The following UGT1A9 variants were observed in gnomAD, a reference collection of about 807,000 sequenced individuals.
UGT1A9 encodes the protein UDP-glucuronosyltransferase 1A9.
A neutral mutation model predicts 45.0 loss-of-function variants in UGT1A9; 35 were observed. The ratio of observed to expected loss-of-function variants is 0.78; its 90% confidence interval spans 0.59 to 1.03. The LOEUF (loss-of-function observed/expected upper bound fraction) is 1.03. Ranked by LOEUF, UGT1A9 falls within the 50% of genes least tolerant of loss-of-function variation. The pLI is 0.00. For missense variants in UGT1A9, 687 were observed against 666.6 expected, an observed-to-expected ratio of 1.03 and a Z score of -0.34; for synonymous variants, 278 against 250.6, an observed-to-expected ratio of 1.11 and a Z score of -1.03.
At chr2:233,770,057 T>C (rs1700010876) in intron 4 of UGT1A9, 1 of 154,188 alleles carries the variant, frequency 6.5e-6, no homozygotes, top group Admixed American at 6.5e-5. Context: ...GCTCACATTA[T>C]GGATATAATT....
intron 1 of UGT1A9, chr2:233,693,126 G>C: frequency 6.2e-7 from 1 of 1,614,224 alleles, no homozygotes; most frequent in East Asian, 2.2e-5. Flanking sequence ...CACTGGCTTA[G>C]TATGAAGGAT....
intron 1 of UGT1A9, 98 bp from the exon 2 acceptor site, chr2:233,766,936 A>G: frequency 1.1e-5 from 18 of 1,586,086 alleles, no homozygotes; most frequent in Non-Finnish European, 1.5e-5. Context: ...GCCTTTAATC[A>G]TAGTCTTAAG....
At chr2:233,754,205 G>A (rs935702131) in intron 1 of UGT1A9, 1 of 163,140 alleles carries the variant, frequency 6.1e-6, no homozygotes, top group African/African-American at 2.4e-5. Context: ...AAACATTGAA[G>A]TCAAATGATT....
At position 233,772,364 on chromosome 2, in the gene UGT1A9, G is replaced by A. The variant is rs2126066742; in HGVS notation, c.1398G>A (p.Lys466=). The A allele has an allele frequency of 6.2e-7, 1 of 1,614,266 alleles. No homozygotes were observed. Among genetic ancestry groups the A allele is most frequent in the Non-Finnish European group, 8.5e-7 (1 of 1,180,054 alleles). ...VFWVEFVMRH[K]GAPHLRPAAH... is the part of the protein sequence containing the mutation. ...GGGTGGAGTTTGTGATGAGGCACAAGGGCGCGCCACACCTGCGCCCCGCAG... is the reference window on the plus strand; with the variant it reads ...GGGTGGAGTTTGTGATGAGGCACAAAGGCGCGCCACACCTGCGCCCCGCAG... The change falls in exon 5 of 5, where the codon AAG becomes AAA. Residue 466 remains lysine, a synonymous_variant. Transcript: ENST00000354728.
chr2:233,754,845 G>C, intron 1 of UGT1A9: 5 of 1,344,470 alleles, frequency 3.7e-6, no homozygotes, highest in Non-Finnish European at 5.0e-6. Context: ...ACTGAAGGCA[G>C]AGAAAAGGGG....
chr2:233,762,018 T>C (rs141035986), intron 1 of UGT1A9, among the ~76,000 whole-genome samples: 3 of 152,328 alleles, frequency 2.0e-5, no homozygotes, highest in African/African-American at 7.2e-5. Flanking sequence ...ATGTGATTTG[T>C]ATTTTATTTT....
At position 233,772,593 on chromosome 2, in the gene UGT1A9, C is replaced by G; in HGVS notation, c.*34C>G. On this transcript the variant is annotated 3_prime_UTR_variant, in exon 5 of 5. Transcript: ENST00000354728. The stretch of plus-strand genomic sequence containing the variant: ...TGGGAAATAAGGTAAAATTTTGAAC[C>G]ATTCCCTAGTCATTTCCAAACTTGA... The G allele has an allele frequency of 6.3e-7, 1 of 1,598,604 alleles. No individual in the cohort carries two copies. The highest frequency in any genetic ancestry group is 8.5e-7 in the Non-Finnish European group (1 of 1,171,794).
chr2:233,699,011 G>A (rs924046533), intron 1 of UGT1A9, among the ~76,000 whole-genome samples: 2 of 152,200 alleles, frequency 1.3e-5, no homozygotes, highest in Admixed American at 6.5e-5. Context: ...AAGAACATGA[G>A]AGGCTGAGCC....
At chr2:233,771,377 T>A (rs1700299205) in intron 4 of UGT1A9, 1 of 152,184 alleles carries the variant, frequency 6.6e-6, no homozygotes, top group Non-Finnish European at 1.5e-5. Flanking sequence ...CCGTTTTGGA[T>A]TGAGATGTTC....
chr2:233,675,078 C>T (rs550742969), intron 1 of UGT1A9, among the ~76,000 whole-genome samples: 1 of 152,188 alleles, frequency 6.6e-6, no homozygotes, highest in Non-Finnish European at 1.5e-5. Flanking sequence ...TGTGCAGTGT[C>T]CCAGACCCTG....
chr2:233,714,306 T>C (rs1288766736), intron 1 of UGT1A9, among the ~76,000 whole-genome samples: 1 of 152,124 alleles, frequency 6.6e-6, no homozygotes, highest in East Asian at 1.9e-4. Context: ...TTGCAAAAGA[T>C]AGAGAGGTGA....
intron 1 of UGT1A9, chr2:233,719,815 A>G: frequency 6.3e-7 from 1 of 1,582,596 alleles, no homozygotes; most frequent in Non-Finnish European, 8.6e-7. Context: ...TTTATAACAG[A>G]TAAACTGTTG....
intron 1 of UGT1A9, chr2:233,755,051 C>T (rs779353656): frequency 7.5e-6 from 10 of 1,331,260 alleles, no homozygotes; most frequent in East Asian, 4.6e-5. Context: ...AGCCGCCCTC[C>T]GCCCTCGCCT....
intron 1 of UGT1A9, chr2:233,718,964 G>A (rs767708509): frequency 1.1e-5 from 17 of 1,614,104 alleles, no homozygotes; most frequent in Non-Finnish European, 1.4e-5. Flanking sequence ...GGGAGGCCTT[G>A]CGGGAGCTCC....
chr2:233,726,601 T>G (rs1416735332), intron 1 of UGT1A9, among the ~76,000 whole-genome samples: 18 of 152,204 alleles, frequency 1.2e-4, no homozygotes, highest in African/African-American at 4.3e-4. Context: ...CCCTTGTGAT[T>G]ACACTGTCCT....
chr2:233,748,198 C>G, intron 1 of UGT1A9: 1 of 1,535,946 alleles, frequency 6.5e-7, no homozygotes, highest in Non-Finnish European at 8.8e-7. Flanking sequence ...TTCTGCTTGT[C>G]GTAATAGCCT....
chr2:233,730,165 G>T (rs142374428), intron 1 of UGT1A9, among the ~76,000 whole-genome samples: 1 of 152,156 alleles, frequency 6.6e-6, no homozygotes. Context: ...CTCTAGTAGC[G>T]TATTTCAGGT....
At chr2:233,741,284 A>G (rs1443656037) in intron 1 of UGT1A9, among the ~76,000 whole-genome samples, 2 of 151,828 alleles carry the variant, frequency 1.3e-5, no homozygotes, top group South Asian at 2.1e-4. Flanking sequence ...AATGGGATTT[A>G]TGTACCCAAT....
chr2:233,697,517 A>T (rs1481615958), intron 1 of UGT1A9, among the ~76,000 whole-genome samples: 185 of 146,308 alleles, frequency 1.3e-3, no homozygotes, highest in African/African-American at 3.5e-3. Context: ...TTTTTTTTTA[A>T]AAAACTTTTT....
Sources: allele counts gnomAD v4.1 joint callset (sites outside exome capture counted in the v4.1 genomes callset), GRCh38; gene constraint gnomAD v4.1.1; transcripts MANE v1.5; gene names NCBI Gene and HGNC (gene_info 2026-07-23, HGNC 2026-07-21).